NOX4: variants seen among roughly 807,000 people sequenced by gnomAD.
NOX4 encodes kidney oxidase-1.
A neutral mutation model predicts 87.6 loss-of-function variants in NOX4; 69 were observed. The ratio of observed to expected loss-of-function variants is 0.79; its 90% CI spans 0.65 to 0.96. The LOEUF is 0.96. Ranked by LOEUF, NOX4 falls within the 40% of genes least tolerant of loss-of-function variation. The pLI is 0.00. For synonymous variants in NOX4, 275 were observed against 238.2 expected (o/e 1.15, Z -1.42); for missense variants, 680 against 681.5 (o/e 1.00, Z 0.02).
the NOX4 span, among the ~76,000 whole-genome samples, chr11:89,539,994 G>T: frequency 6.6e-6 from 1 of 152,078 alleles, no homozygotes; most frequent in Admixed American, 6.5e-5. Context: ...GCAGACTCAG[G>T]CTTGAGTTTC....
the NOX4 span, among the ~76,000 whole-genome samples, chr11:89,524,089 A>G: frequency 6.6e-6 from 1 of 152,196 alleles, no homozygotes; most frequent in African/African-American, 2.4e-5. Flanking sequence ...TTATGGATAT[A>G]CAAATCTGTC....
chr11:89,494,554 T>C (rs1946927341), upstream of NOX4, among the ~76,000 whole-genome samples: 1 of 152,208 alleles, frequency 6.6e-6, no homozygotes, highest in Admixed American at 6.5e-5. Flanking sequence ...GCTTGACACA[T>C]AGTAGGAATT....
intron 11 of NOX4, among the ~76,000 whole-genome samples, chr11:89,381,030 T>C (rs1199847806): frequency 2.0e-5 from 3 of 152,206 alleles, no homozygotes; most frequent in Non-Finnish European, 4.4e-5. Flanking sequence ...TGCCAGTCTT[T>C]GTGAGATCCA....
chr11:89,496,471 G>A (rs560799109), upstream of NOX4, among the ~76,000 whole-genome samples: 28 of 151,138 alleles, frequency 1.9e-4, 1 homozygote, highest in African/African-American at 6.1e-4. Flanking sequence ...AAAATTTCAA[G>A]AAGAAAAAAC....
At chr11:89,359,612 T>C (rs968529532) in intron 12 of NOX4, among the ~76,000 whole-genome samples, 3 of 152,082 alleles carry the variant, frequency 2.0e-5, no homozygotes, top group African/African-American at 4.8e-5. Context: ...CATCTAGAGA[T>C]GTGATCACTG....
chr11:89,543,035 A>G, the NOX4 span, among the ~76,000 whole-genome samples: 5 of 152,308 alleles, frequency 3.3e-5, no homozygotes, highest in East Asian at 9.7e-4. Flanking sequence ...GCCATCATGT[A>G]GAAAATAGAT....
the NOX4 span, among the ~76,000 whole-genome samples, chr11:89,528,864 T>C: frequency 6.6e-6 from 1 of 152,252 alleles, no homozygotes; most frequent in African/African-American, 2.4e-5. Context: ...AATCAATTTA[T>C]CTATCTATCT....
chr11:89,503,400 A>T, the NOX4 span, among the ~76,000 whole-genome samples: 1 of 152,030 alleles, frequency 6.6e-6, no homozygotes, highest in Non-Finnish European at 1.5e-5. Context: ...CATGGGGAAC[A>T]TTGGAATAAT....
chr11:89,554,406 C>G, the NOX4 span, among the ~76,000 whole-genome samples: 4 of 152,202 alleles, frequency 2.6e-5, no homozygotes, highest in East Asian at 7.7e-4. Context: ...ATTTCAGCTG[C>G]ATAATATGCT....
intron 17 of NOX4, 99 bp from the exon 18 acceptor site, chr11:89,326,975 T>A: frequency 9.1e-7 from 1 of 1,098,288 alleles, no homozygotes; most frequent in African/African-American, 1.6e-5. Context: ...ATTAACAAAG[T>A]TGATTTCTTG....
the NOX4 span, among the ~76,000 whole-genome samples, chr11:89,513,139 G>C: frequency 6.6e-6 from 1 of 151,914 alleles, no homozygotes; most frequent in East Asian, 1.9e-4. Flanking sequence ...TGACCAACAT[G>C]GTGAAACCTC....
chr11:89,487,881 G>C (rs1946694030), intron 2 of NOX4, among the ~76,000 whole-genome samples: 1 of 152,106 alleles, frequency 6.6e-6, no homozygotes, highest in South Asian at 2.1e-4. Flanking sequence ...CTTATTATAA[G>C]ATTAGAAAAG....
At chr11:89,474,347 T>C (rs528129878) in intron 2 of NOX4, among the ~76,000 whole-genome samples, 1 of 150,302 alleles carries the variant, frequency 6.7e-6, no homozygotes, top group Non-Finnish European at 1.5e-5. Flanking sequence ...GTAAGACCAA[T>C]ACATCACATC....
At chr11:89,444,459 T>A (rs953482937) in intron 4 of NOX4, among the ~76,000 whole-genome samples, 1 of 119,650 alleles carries the variant, frequency 8.4e-6, no homozygotes, top group Non-Finnish European at 1.6e-5. Flanking sequence ...AAGTCAGGGA[T>A]AAGAGAAACA....
chr11:89,400,695 T>C (rs1396297917), intron 9 of NOX4, among the ~76,000 whole-genome samples: 6 of 151,880 alleles, frequency 4.0e-5, no homozygotes, highest in Non-Finnish European at 8.8e-5. Context: ...ATATACACAA[T>C]ATATTTAATA....
intron 4 of NOX4, among the ~76,000 whole-genome samples, chr11:89,445,129 G>A (rs1489884215): frequency 1.3e-5 from 2 of 152,090 alleles, no homozygotes; most frequent in African/African-American, 2.4e-5. Flanking sequence ...TTGCCTTTCA[G>A]GGGCCTTAAT....
In NOX4 at chr11:89,342,077, A is replaced by G. The variant is rs916636655; in HGVS notation, c.1334T>C (p.Leu445Pro). 1.2e-6 allele frequency: 2 copies of G among 1,610,218 alleles called. No homozygotes were observed. Among genetic ancestry groups the G allele is most frequent in the Non-Finnish European group, 1.7e-6 (2 of 1,177,452 alleles). ...VTPFASILNT[L>P]LDDWKPYKLR... is the part of the protein sequence containing the mutation. ...AAAATAGATCAAAATGACATACAAC[A>G]GGGTGTTGAGTATTGATGCAAATGG... Residue 445 changes from leucine (L) to proline (P), a missense_variant, in exon 14 of 18, where the codon CTG becomes CCG. Transcript: ENST00000263317.
the NOX4 span, among the ~76,000 whole-genome samples, chr11:89,570,280 A>G: frequency 1.3e-5 from 2 of 152,264 alleles, no homozygotes; most frequent in South Asian, 4.1e-4. Flanking sequence ...ACATGTTCTC[A>G]CTTATAAGTG....
At chr11:89,418,866 G>A (rs964958753) in intron 8 of NOX4, among the ~76,000 whole-genome samples, 3 of 151,920 alleles carry the variant, frequency 2.0e-5, no homozygotes, top group African/African-American at 7.2e-5. Flanking sequence ...TGAAAAAAAT[G>A]ACCTTAGAAA....
Sources: gnomAD v4.1 joint callset for allele counts (sites outside exome capture counted in the v4.1 genomes callset) on GRCh38, gnomAD v4.1.1 for gene constraint, MANE v1.5 for transcripts, NCBI Gene and HGNC (gene_info 2026-07-23, HGNC 2026-07-21) for gene names.